The following KCNT2 variants were observed in gnomAD, a reference collection of about 807,000 sequenced individuals.
KCNT2 encodes the protein potassium sodium-activated channel subfamily T member 2, also known as potassium channel subfamily T member 2.
In KCNT2, 67 loss-of-function variants were observed where a neutral mutation model predicts 153.8. The observed-to-expected ratio is 0.44, with a 90% CI of 0.36 to 0.53. KCNT2 has a LOEUF of 0.53. KCNT2 is among the 20% of genes least tolerant of loss of function. The probability of loss-of-function intolerance (pLI) is 0.00; values close to 1 mark genes in which losing one functional copy is unlikely to be tolerated. For missense variants in KCNT2, 975 were observed against 1,354.8 expected (o/e 0.72, Z 4.40); for synonymous variants, 500 against 458.8 (o/e 1.09, Z -1.15).
At chr1:196,273,680 G>T (rs1209346763) in intron 25 of KCNT2, among the ~76,000 whole-genome samples, 1 of 151,724 alleles carries the variant, frequency 6.6e-6, no homozygotes, top group South Asian at 2.1e-4. Flanking sequence ...TATTTTTAAA[G>T]ATTCAGTCTT....
At chr1:196,320,028 G>T (rs1663129320) in intron 19 of KCNT2, among the ~76,000 whole-genome samples, 3 of 151,614 alleles carry the variant, frequency 2.0e-5, no homozygotes, top group African/African-American at 7.3e-5. Flanking sequence ...ATCACAACAT[G>T]CCCTATATAA....
chr1:196,597,709 T>C (rs1664253782), intron 1 of KCNT2, among the ~76,000 whole-genome samples: 2 of 152,214 alleles, frequency 1.3e-5, no homozygotes, highest in Non-Finnish European at 2.9e-5. Flanking sequence ...TACAAATTTG[T>C]GGAAGTCATA....
At chr1:196,246,700 G>T (rs1027949669) in intron 26 of KCNT2, among the ~76,000 whole-genome samples, 1 of 152,016 alleles carries the variant, frequency 6.6e-6, no homozygotes, top group African/African-American at 2.4e-5. Flanking sequence ...GTGTTATGTT[G>T]TCATCAGTTT....
At chr1:196,328,633 G>GAA (rs200329840) in intron 18 of KCNT2, among the ~76,000 whole-genome samples, 2 of 118,470 alleles carry the variant, frequency 1.7e-5, no homozygotes, top group Admixed American at 1.7e-4. Flanking sequence ...AGTGCTAAAA[G>GAA]AAAAAAAAAA....
chr1:196,487,239 A>T (rs1340923492), intron 3 of KCNT2, among the ~76,000 whole-genome samples: 1 of 152,014 alleles, frequency 6.6e-6, no homozygotes, highest in African/African-American at 2.4e-5. Context: ...TATGAAGTAC[A>T]AGCAAAAGTG....
intron 25 of KCNT2, among the ~76,000 whole-genome samples, chr1:196,261,083 C>T (rs970932567): frequency 3.3e-5 from 5 of 151,760 alleles, no homozygotes; most frequent in East Asian, 1.9e-4. Context: ...TATAAATATA[C>T]TTTCCTGATG....
In KCNT2 at chr1:196,235,987, C is replaced by A. The variant is rs759132983; in HGVS notation, c.3295G>T (p.Val1099Leu). 19 of 1,573,724 alleles carry A rather than the reference C, an allele frequency of 1.2e-5. No homozygotes were observed. The highest frequency in any genetic ancestry group is 1.7e-5 in the Non-Finnish European group (19 of 1,145,276). ...PDTRIELNDV[V>L]YLIRPDPLAY... ...ATATGAGATATGAGATCAACTTACA[C>A]AACATCATTCAGCTCTATTCTGGTA... is the stretch of plus-strand genomic sequence containing the variant. Residue 1099 changes from valine to leucine, a missense_variant and splice_region_variant, in exon 27 of 28, where the codon GTA becomes TTA. By Grantham distance (32) the Val-to-Leu change is conservative. This residue lies in a region of KCNT2 where 241 missense variants were observed against 271.1 expected (regional missense o/e 0.89). Transcript: ENST00000294725.
intron 13 of KCNT2, among the ~76,000 whole-genome samples, chr1:196,395,828 C>T (rs1188304815): frequency 6.6e-6 from 1 of 151,448 alleles, no homozygotes; most frequent in Non-Finnish European, 1.5e-5. Flanking sequence ...TTAGGGTAAA[C>T]CGAAGGAGCT....
At chr1:196,484,367 G>A (rs1184331571) in intron 3 of KCNT2, among the ~76,000 whole-genome samples, 1 of 151,574 alleles carries the variant, frequency 6.6e-6, no homozygotes, top group Non-Finnish European at 1.5e-5. Context: ...AGTTTTTGAT[G>A]GGGTTGTTTT....
intron 1 of KCNT2, among the ~76,000 whole-genome samples, chr1:196,588,901 T>C (rs1022354659): frequency 6.6e-6 from 1 of 151,922 alleles, no homozygotes; most frequent in South Asian, 2.1e-4. Context: ...TCATTTATTT[T>C]AGTAAATGAA....
At chr1:196,453,377 T>C (rs1192121120) in intron 8 of KCNT2, among the ~76,000 whole-genome samples, 1 of 151,962 alleles carries the variant, frequency 6.6e-6, no homozygotes, top group East Asian at 1.9e-4. Context: ...GTGTGGCTTG[T>C]AAATTCTTGT....
At chr1:196,541,815 T>C (rs1207764165) in intron 1 of KCNT2, among the ~76,000 whole-genome samples, 1 of 152,072 alleles carries the variant, frequency 6.6e-6, no homozygotes, top group Middle Eastern at 3.2e-3. Flanking sequence ...TGCCATAAAG[T>C]TGGGAGAGAT....
intron 14 of KCNT2, among the ~76,000 whole-genome samples, chr1:196,351,851 T>C (rs1279248642): frequency 3.3e-5 from 5 of 152,170 alleles, no homozygotes; most frequent in African/African-American, 1.2e-4. Flanking sequence ...TTGTCATAGA[T>C]AGCTCTTATT....
At chr1:196,432,451 C>A (rs1162089145) in intron 8 of KCNT2, among the ~76,000 whole-genome samples, 1 of 152,086 alleles carries the variant, frequency 6.6e-6, no homozygotes, top group Non-Finnish European at 1.5e-5. Context: ...GTGGTCTTTG[C>A]CAAACAAAGC....
intron 12 of KCNT2, among the ~76,000 whole-genome samples, chr1:196,417,619 G>A (rs1423398497): frequency 2.0e-5 from 3 of 152,042 alleles, no homozygotes; most frequent in African/African-American, 4.8e-5. Flanking sequence ...GAACAAAAGA[G>A]TATAACTTTC....
intron 1 of KCNT2, among the ~76,000 whole-genome samples, chr1:196,538,085 G>A (rs953709137): frequency 2.0e-5 from 3 of 151,928 alleles, no homozygotes; most frequent in South Asian, 2.1e-4. Flanking sequence ...GATCTCTCAG[G>A]GACTGGGTGT....
intron 14 of KCNT2, among the ~76,000 whole-genome samples, chr1:196,358,715 G>A (rs185386655): frequency 2.0e-5 from 3 of 151,642 alleles, no homozygotes; most frequent in Admixed American, 2.0e-4. Context: ...TTACTAATGA[G>A]TGTAAGTAAC....
chr1:196,301,417 G>A (rs1431984621), intron 22 of KCNT2, among the ~76,000 whole-genome samples: 1 of 152,060 alleles, frequency 6.6e-6, no homozygotes, highest in Non-Finnish European at 1.5e-5. Context: ...AACCTCTGGA[G>A]GGCAAAGGGA....
chr1:196,240,976 T>C (rs1558057431), intron 26 of KCNT2, among the ~76,000 whole-genome samples: 1 of 151,010 alleles, frequency 6.6e-6, no homozygotes, highest in Non-Finnish European at 1.5e-5. Context: ...AAGAGAACAA[T>C]AGAAATGGAA....
Sources: allele counts gnomAD v4.1 joint callset (sites outside exome capture counted in the v4.1 genomes callset), GRCh38; gene constraint gnomAD v4.1.1; regional missense constraint gnomAD v4.1.1; transcripts MANE v1.5; gene names NCBI Gene and HGNC (gene_info 2026-07-23, HGNC 2026-07-21).